TRAK1: variants seen among roughly 807,000 people sequenced by gnomAD.
The protein encoded by TRAK1 is trafficking kinesin protein 1, also known as trafficking kinesin-binding protein 1.
A neutral mutation model predicts 92.1 loss-of-function variants in TRAK1; 33 were observed. The ratio of observed to expected loss-of-function variants is 0.36; its 90% CI spans 0.27 to 0.48. The LOEUF is 0.48. TRAK1 is among the 20% of genes least tolerant of loss of function. TRAK1 has a pLI of 0.99. For missense variants in TRAK1, 1,123 were observed against 1,257.9 expected, an observed-to-expected ratio of 0.89 and a Z score of 1.62; for synonymous variants, 521 against 517.3, an observed-to-expected ratio of 1.01 and a Z score of -0.10.
rs1162840340 is a variant in TRAK1 at position 42,125,426 on chromosome 3, G to A, written c.98G>A (p.Cys33Tyr). 6 of 1,613,820 alleles carry A rather than the reference G, an allele frequency of 3.7e-6. No homozygotes were observed. Among genetic ancestry groups the A allele is most frequent in the Non-Finnish European group, 5.1e-6 (6 of 1,179,932 alleles). The part of the protein sequence containing the change: ...KLIRTNACDV[C>Y]NSTDLPEVEI... ...TTGGTTGTCTTGTCTTTAGATGTGT[G>A]CAACAGCACCGATCTTCCGGAAGTC... The change falls in exon 2 of 16, where the codon TGC becomes TAC. Residue 33 changes from cysteine to tyrosine, a missense_variant. Cys to Tyr is a radical substitution (Grantham distance 194). Transcript: ENST00000327628.
chr3:42,184,905 G>C, intron 4 of TRAK1, 104 bp downstream of exon 4: 1 of 1,131,196 alleles, frequency 8.8e-7, no homozygotes, highest in Non-Finnish European at 1.3e-6. Context: ...TTGGAAGGAC[G>C]CTCCCGAGGG....
At chr3:42,067,596 T>A (rs572781093) in intron 1 of TRAK1, among the ~76,000 whole-genome samples, 41 of 147,324 alleles carry the variant, frequency 2.8e-4, no homozygotes, top group African/African-American at 1.0e-3. Context: ...TAGATGAGAT[T>A]TTTTTTTTTT....
intron 14 of TRAK1, among the ~76,000 whole-genome samples, chr3:42,213,734 G>A (rs1419379017): frequency 6.6e-6 from 1 of 152,226 alleles, no homozygotes; most frequent in African/African-American, 2.4e-5. Flanking sequence ...GGCTTGATGG[G>A]TCTGGAAGGA....
chr3:42,177,767 TTG>T (rs1170620182), intron 3 of TRAK1, among the ~76,000 whole-genome samples: 1 of 152,174 alleles, frequency 6.6e-6, no homozygotes, highest in Admixed American at 6.5e-5. Flanking sequence ...TCCACCGTTT[TTG>T]TGTGTCTCTC....
chr3:42,145,998 G>T, intron 2 of TRAK1: 1 of 355,136 alleles, frequency 2.8e-6, no homozygotes, highest in South Asian at 2.5e-5. Context: ...ACAGTACAAT[G>T]AAATGTTCTC....
At chr3:42,024,338 A>G (rs914952566) in intron 1 of TRAK1, among the ~76,000 whole-genome samples, 1 of 152,228 alleles carries the variant, frequency 6.6e-6, no homozygotes, top group Non-Finnish European at 1.5e-5. Context: ...TTGTTTATAC[A>G]TAGTAGGTAT....
At chr3:42,019,539 A>ATG (rs1450852255) in intron 1 of TRAK1, among the ~76,000 whole-genome samples, 2 of 152,168 alleles carry the variant, frequency 1.3e-5, no homozygotes, top group Non-Finnish European at 2.9e-5. Context: ...AAGTACTGGG[A>ATG]TTACAAGCAT....
chr3:42,217,672 T>C (rs985433359), intron 14 of TRAK1: 5 of 985,128 alleles, frequency 5.1e-6, no homozygotes, highest in African/African-American at 1.7e-5. Context: ...TTAAATGTTA[T>C]CTCTCTTTCA....
chr3:42,078,222 A>G (rs1479228326), intron 1 of TRAK1, among the ~76,000 whole-genome samples: 2 of 152,208 alleles, frequency 1.3e-5, no homozygotes, highest in Non-Finnish European at 2.9e-5. Flanking sequence ...TTATGCCTTC[A>G]GAATCAAAGG....
In TRAK1 at chr3:42,200,950, C is replaced by T. The variant is rs368017667; in HGVS notation, c.1323C>T (p.Cys441=). The change falls in exon 12 of 16, where the codon TGC becomes TGT. Residue 441 remains cysteine (C), a synonymous_variant. Coordinates refer to ENST00000327628, the MANE Select transcript of TRAK1 (RefSeq NM_001042646.3). ...CCATGAACTCCCTCCTGTCCAGCTG[C>T]GTCAGCACCCCCCGGTCCAGCTTCT... ...SSAMNSLLSS[C]VSTPRSSFYG... is the part of the protein sequence containing the mutation. 3.8e-5 allele frequency: 62 copies of T among 1,614,056 alleles called. No individual in the cohort carries two copies. Among genetic ancestry groups the T allele is most frequent in the Middle Eastern group, 1.6e-4 (1 of 6,084 alleles).
chr3:42,164,946 T>C lies in TRAK1; in HGVS notation c.287-11868T>C, dbSNP rs556789080. On this transcript the variant is annotated intron_variant, in intron 2 of 15. Coordinates refer to ENST00000327628, the MANE Select transcript of TRAK1 (RefSeq NM_001042646.3). ...TTCATGGTCACTTCCTTGTGGCCTATTACCTGGCAAATTTCCAGTGTTCTT... is the reference window on the plus strand; with the variant it reads ...TTCATGGTCACTTCCTTGTGGCCTACTACCTGGCAAATTTCCAGTGTTCTT... Among the ~76,000 whole-genome samples, 8 of 152,364 alleles carry C rather than the reference T, an allele frequency of 5.3e-5. No homozygotes were observed. The East Asian group carries it at 7.7e-4, about 15-fold the overall frequency.
intron 2 of TRAK1, among the ~76,000 whole-genome samples, chr3:42,132,489 T>C (rs1697344692): frequency 6.6e-6 from 1 of 152,126 alleles, no homozygotes; most frequent in African/African-American, 2.4e-5. Flanking sequence ...GGTCTCAAAC[T>C]CCTTGGCTCA....
At position 42,150,293 on chromosome 3, in the gene TRAK1, G is replaced by T. The variant is rs542147441; in HGVS notation, c.286+24679G>T. On this transcript the variant is annotated intron_variant, in intron 2 of 15. Coordinates refer to ENST00000327628, the MANE Select transcript of TRAK1 (RefSeq NM_001042646.3). ...GAGGCCAAGTTGTGTGGCTGGACAG[G>T]TCTCAGGAGGTTTCAAGCACACAGA... Among the ~76,000 whole-genome samples, 6 of 152,262 alleles carry T rather than the reference G, an allele frequency of 3.9e-5. No individual in the cohort carries two copies. The East Asian group carries it at 1.2e-3, about 29-fold the overall frequency.
intron 1 of TRAK1, among the ~76,000 whole-genome samples, chr3:42,102,907 A>C (rs771822692): frequency 2.0e-4 from 31 of 152,166 alleles, no homozygotes; most frequent in Non-Finnish European, 4.1e-4. Context: ...ACGTGTGCTC[A>C]GCAGGACTTA....
At chr3:42,050,907 G>A (rs915675198) in intron 1 of TRAK1, among the ~76,000 whole-genome samples, 4 of 152,118 alleles carry the variant, frequency 2.6e-5, no homozygotes, top group Non-Finnish European at 5.9e-5. Context: ...TTCCTTTATG[G>A]TCACTTTGGT....
In TRAK1 at chr3:42,184,723, G is replaced by C. The variant is rs138576547; in HGVS notation, c.402G>C (p.Gln134His). Residue 134 changes from glutamine (Q) to histidine (H), a missense_variant, in exon 4 of 16, where the codon CAG (glutamine) becomes CAC (histidine). Gln to His is a conservative substitution (Grantham distance 24, BLOSUM62 0). Transcript: ENST00000327628. ...TAGAATTGGCCGCTCGCATCGGCCA[G>C]TCGTTGTTGAAGAAGAACAAGACCC... Reference protein sequence around the residue: ...RDLELAARIGQSLLKKNKTLT... With the variant: ...RDLELAARIGHSLLKKNKTLT... The C allele has an allele frequency of 9.0e-5, 146 of 1,614,120 alleles. No homozygotes were observed. The highest frequency in any genetic ancestry group is 1.1e-4 in the Non-Finnish European group (130 of 1,180,048).
intron 11 of TRAK1, 141 bp downstream of exon 11, chr3:42,199,394 A>C (rs923616380): frequency 2.7e-6 from 2 of 729,366 alleles, no homozygotes; most frequent in Non-Finnish European, 4.6e-6. Context: ...AAGGGAAATA[A>C]TAGAACACAG....
intron 1 of TRAK1, among the ~76,000 whole-genome samples, chr3:42,112,753 AAAAC>A: frequency 2.6e-5 from 1 of 38,870 alleles, no homozygotes; most frequent in Middle Eastern, 0.019. Flanking sequence ...AAAAAAAAAA[AAAAC>A]CAACTAATTT....
In TRAK1 at chr3:42,169,004, A is replaced by G. The variant is rs974891482; in HGVS notation, c.287-7810A>G. On this transcript the variant is annotated intron_variant, in intron 2 of 15. Coordinates refer to ENST00000327628, the MANE Select transcript of TRAK1 (RefSeq NM_001042646.3). Reference sequence around the variant, plus strand: ...ATGCCCGGCTAATTTTTGTATTTTTAGTAGAGATGAGGTTTCACCATGTTG... The same window carrying G: ...ATGCCCGGCTAATTTTTGTATTTTTGGTAGAGATGAGGTTTCACCATGTTG... Among the ~76,000 whole-genome samples the G allele has an allele frequency of 2.0e-5, 3 of 152,226 alleles. No homozygotes were observed. The East Asian group carries it at 5.8e-4, about 29-fold the overall frequency.
Sources: allele counts gnomAD v4.1 joint callset (sites outside exome capture counted in the v4.1 genomes callset), GRCh38; gene constraint gnomAD v4.1.1; transcripts MANE v1.5; gene names NCBI Gene and HGNC (gene_info 2026-07-23, HGNC 2026-07-21).